The following EZR variants were observed in gnomAD, a reference collection of about 807,000 sequenced individuals.
EZR encodes cytovillin 2.
EZR carries 40 observed loss-of-function variants against 74.8 expected under a neutral mutation model. That is an observed-to-expected ratio of 0.53 (90% CI 0.42 to 0.70). EZR has a LOEUF of 0.70. EZR is among the 30% of genes least tolerant of loss of function. The pLI, the probability that EZR is intolerant of heterozygous loss-of-function variation, is 0.00. For synonymous variants in EZR, 341 were observed against 283.3 expected, an observed-to-expected ratio of 1.20 and a Z score of -2.05; for missense variants, 678 against 755.8, an observed-to-expected ratio of 0.90 and a Z score of 1.21.
rs376813232 is a variant in EZR at position 158,767,459 on chromosome 6, C to T, written c.1398G>A (p.Val466=). ...LVKTKEELHL[V]MTAPPPPPPP... ...GTGGTGGGGGCGGGGGTGCTGTCAT[C>T]ACCAGGTGCAGCTCCTCCTTGGTCT... The change falls in exon 13 of 14, where the codon GTG becomes GTA. Residue 466 remains valine, a synonymous_variant. Coordinates refer to ENST00000367075, the MANE Select transcript of EZR (RefSeq NM_001111077.2). The T allele has an allele frequency of 1.9e-6, 3 of 1,611,688 alleles. No homozygotes were observed. Among genetic ancestry groups the T allele is most frequent in the Non-Finnish European group, 1.7e-6 (2 of 1,178,444 alleles).
intron 2 of EZR, among the ~76,000 whole-genome samples, chr6:158,797,318 T>C (rs1777094668): frequency 6.6e-6 from 1 of 152,192 alleles, no homozygotes; most frequent in South Asian, 2.1e-4. Context: ...AATTTTTTTA[T>C]GTACTCAAAA....
chr6:158,787,403 G>A (rs144887154), intron 3 of EZR, among the ~76,000 whole-genome samples, 200 bp from the exon 4 acceptor site: 46 of 152,246 alleles, frequency 3.0e-4, no homozygotes, highest in African/African-American at 7.9e-4. Context: ...AGCCATGAAC[G>A]ACTTATTTTT....
intron 2 of EZR, among the ~76,000 whole-genome samples, chr6:158,791,833 C>T (rs536399362): frequency 5.4e-5 from 8 of 148,838 alleles, no homozygotes; most frequent in African/African-American, 1.2e-4. Flanking sequence ...CTTAGCCTCC[C>T]GAGTAGCTGG....
At chr6:158,818,830 G>C (rs531669555) in intron 1 of EZR, among the ~76,000 whole-genome samples, 265 of 148,536 alleles carry the variant, frequency 1.8e-3, no homozygotes, top group African/African-American at 6.4e-3. Flanking sequence ...GGGGTCAGGG[G>C]AGAGGGGGCA....
chr6:158,774,319 C>T (rs1053631709), intron 8 of EZR, among the ~76,000 whole-genome samples: 1 of 152,166 alleles, frequency 6.6e-6, no homozygotes, highest in African/African-American at 2.4e-5. Context: ...GTGGCTCCTG[C>T]CCAACCTGCC....
intron 7 of EZR, among the ~76,000 whole-genome samples, chr6:158,782,506 G>A (rs190709349): frequency 1.1e-4 from 17 of 152,316 alleles, no homozygotes; most frequent in Middle Eastern, 3.4e-3. Context: ...GAAGGAAACC[G>A]GTACATCCAG....
At chr6:158,805,232 G>A (rs1027031015) in intron 2 of EZR, among the ~76,000 whole-genome samples, 4 of 151,314 alleles carry the variant, frequency 2.6e-5, no homozygotes, top group Non-Finnish European at 4.4e-5. Flanking sequence ...CCAGCTACTC[G>A]TGGGGCTGAG....
intron 7 of EZR, among the ~76,000 whole-genome samples, chr6:158,778,664 C>T (rs58502475): frequency 6.6e-6 from 1 of 152,090 alleles, no homozygotes; most frequent in Admixed American, 6.6e-5. Flanking sequence ...ATGGCTGATT[C>T]CAGGACTAGA....
At chr6:158,770,365 T>C (rs1407177774) in intron 10 of EZR, among the ~76,000 whole-genome samples, 1 of 152,128 alleles carries the variant, frequency 6.6e-6, no homozygotes, top group Admixed American at 6.5e-5. Flanking sequence ...ACTGGAGCTG[T>C]GCTGGGAAGT....
intron 2 of EZR, among the ~76,000 whole-genome samples, chr6:158,809,634 C>T (rs1008730963): frequency 6.6e-6 from 1 of 152,208 alleles, no homozygotes; most frequent in African/African-American, 2.4e-5. Flanking sequence ...TCTTTGAGAA[C>T]AATTTTTTAA....
intron 2 of EZR, among the ~76,000 whole-genome samples, chr6:158,803,652 TAC>T (rs201242810): frequency 4.4e-4 from 26 of 59,620 alleles, no homozygotes; most frequent in Admixed American, 1.8e-3. Context: ...TATATATATA[TAC>T]ATATATATAT....
chr6:158,775,220 A>G (rs992058391), intron 8 of EZR, among the ~76,000 whole-genome samples: 1 of 151,802 alleles, frequency 6.6e-6, no homozygotes, highest in Non-Finnish European at 1.5e-5. Flanking sequence ...TTTAGTAGAG[A>G]TGGGGTTTTC....
At chr6:158,817,406 C>T (rs1017595518) in intron 2 of EZR, among the ~76,000 whole-genome samples, 1 of 152,218 alleles carries the variant, frequency 6.6e-6, no homozygotes, top group African/African-American at 2.4e-5. Context: ...AGGCACAGCC[C>T]TTTCATCAGC....
rs1425140511 is a variant in EZR, at chr6:158,766,287, A to G, written c.*627T>C. 1 of 146,952 alleles carries G rather than the reference A, an allele frequency of 6.8e-6. No individual in the cohort carries two copies. The highest frequency in any genetic ancestry group is 1.5e-5 in the Non-Finnish European group (1 of 66,848). The allele number at this position is 146,952 out of a possible 1,614,324, so 9.1% of individuals were successfully genotyped here. A position where few individuals can be genotyped will look rare whatever the true frequency, so the allele number is the denominator to read the frequency against. Reference sequence around the variant, plus strand: ...AGGTGTATAAGTACAATGTATTCTAAAACTGTTAAGCAAAAAAAAAAAAAA... The same window carrying G: ...AGGTGTATAAGTACAATGTATTCTAGAACTGTTAAGCAAAAAAAAAAAAAA... On this transcript the variant is annotated 3_prime_UTR_variant, in exon 14 of 14. Coordinates refer to ENST00000367075, the MANE Select transcript of EZR (RefSeq NM_001111077.2).
intron 2 of EZR, among the ~76,000 whole-genome samples, chr6:158,807,764 A>G (rs1777375141): frequency 6.6e-6 from 1 of 152,162 alleles, no homozygotes. Flanking sequence ...CTGCAATATA[A>G]GCTTCTTGAA....
chr6:158,787,189 G>A lies in EZR; in HGVS notation c.111C>T (p.Ile37=), dbSNP rs559049536. ...CAAAGTACCACACTTCCCGGAGGCC[G>A]ATAGTCTTTACCACCTGCGTGAGAG... ...KQLFDQVVKT[I]GLREVWYFGL... is the part of the protein sequence containing the mutation. The change falls in exon 4 of 14, where the codon ATC becomes ATT. Residue 37 remains isoleucine, a synonymous_variant. Coordinates refer to ENST00000367075, the MANE Select transcript of EZR (RefSeq NM_001111077.2). 3.5e-5 allele frequency: 56 copies of A among 1,612,834 alleles called. No homozygotes were observed. Among genetic ancestry groups the A allele is most frequent in the African/African-American group, 2.5e-4 (19 of 74,998 alleles).
intron 7 of EZR, among the ~76,000 whole-genome samples, chr6:158,780,485 C>T (rs192856520): frequency 2.6e-5 from 4 of 152,200 alleles, no homozygotes; most frequent in South Asian, 4.1e-4. Context: ...CGGAAAGAGA[C>T]GTGAGAAAGC....
intron 2 of EZR, among the ~76,000 whole-genome samples, chr6:158,817,554 A>G (rs2128578515): frequency 6.6e-6 from 1 of 152,344 alleles, no homozygotes; most frequent in African/African-American, 2.4e-5. Flanking sequence ...TTGCTGGTGT[A>G]CAGGGCACCG....
At chr6:158,799,347 A>T (rs1777143586) in intron 2 of EZR, among the ~76,000 whole-genome samples, 1 of 152,242 alleles carries the variant, frequency 6.6e-6, no homozygotes, top group Non-Finnish European at 1.5e-5. Flanking sequence ...GCTATGACCA[A>T]CAGTGCCCGG....
Sources: gnomAD v4.1 joint callset for allele counts (sites outside exome capture counted in the v4.1 genomes callset) on GRCh38, gnomAD v4.1.1 for gene constraint, MANE v1.5 for transcripts, NCBI Gene and HGNC (gene_info 2026-07-23, HGNC 2026-07-21) for gene names.